COQ5: variants seen among roughly 807,000 people sequenced by gnomAD.
COQ5 encodes the protein coenzyme Q5, methyltransferase.
In COQ5, 27 loss-of-function variants were observed where a neutral mutation model predicts 40.5. The ratio of observed to expected loss-of-function variants is 0.67; its 90% CI spans 0.49 to 0.92. The LOEUF (loss-of-function observed/expected upper bound fraction) is 0.92. Among genes scored for constraint, COQ5 ranks in the 40% least tolerant of loss-of-function variants. COQ5 has a pLI of 0.00. For synonymous variants in COQ5, 141 were observed against 150.0 expected (o/e 0.94, Z 0.44); for missense variants, 409 against 406.4 (o/e 1.01, Z -0.06).
chr12:120,503,977 G>A lies in COQ5; in HGVS notation c.875C>T (p.Pro292Leu), dbSNP rs1236830801. The change falls in exon 6 of 7, where the codon CCG (proline) becomes CTG (leucine). Residue 292 changes from proline (P) to leucine (L), a missense_variant. By Grantham distance (98) the Pro-to-Leu change is moderately conservative. Transcript: ENST00000288532. ...QYLVESIRRF[P>L]SQEEFKDMIE... ...GCTATAGAAGTTTCATACCTGAGAC[G>A]GAAACCTTCGGATACTCTCTACAAG... 2.0e-5 allele frequency: 33 copies of A among 1,610,442 alleles called. No homozygotes were observed. Among genetic ancestry groups the A allele is most frequent in the African/African-American group, 4.0e-5 (3 of 74,848 alleles).
At chr12:120,518,096 T>C (rs1869466140) in intron 2 of COQ5, among the ~76,000 whole-genome samples, 1 of 151,970 alleles carries the variant, frequency 6.6e-6, no homozygotes, top group Non-Finnish European at 1.5e-5. Context: ...CATGAGCCAT[T>C]GCGCCTGGCC....
chr12:120,514,569 C>T (rs547577529), intron 3 of COQ5, among the ~76,000 whole-genome samples: 4 of 151,898 alleles, frequency 2.6e-5, no homozygotes, highest in East Asian at 1.9e-4. Context: ...AGTGAAACCC[C>T]GTCTCTACTA....
At position 120,517,936 on chromosome 12, in the gene COQ5, T is replaced by G. The variant is rs149055118; in HGVS notation, c.353-1148A>C. Among the ~76,000 whole-genome samples the G allele has an allele frequency of 9.7e-3, 1,467 of 152,008 alleles. 24 individuals carry two copies. The highest frequency in any genetic ancestry group is 0.034 in the African/African-American group (1,404 of 41,524). On this transcript the variant is annotated intron_variant, in intron 2 of 6. Transcript: ENST00000288532. ...GATTCTCCTGCCTCAGCCTCCCAAG[T>G]GGCTGGGATCACAGGCATGTGCCAC... is the stretch of plus-strand genomic sequence containing the variant.
intron 1 of COQ5, among the ~76,000 whole-genome samples, chr12:120,525,425 T>A (rs1452101084): frequency 1.3e-5 from 2 of 152,062 alleles, no homozygotes; most frequent in Non-Finnish European, 2.9e-5. Flanking sequence ...TTGGGGTGTC[T>A]GGGGGACACT....
chr12:120,516,819 G>C (rs536901258), intron 2 of COQ5, 31 bp from the exon 3 acceptor site: 1 of 1,573,248 alleles, frequency 6.4e-7, no homozygotes, highest in South Asian at 1.1e-5. Flanking sequence ...GAAAGATGCA[G>C]ACTAAAACAA....
At chr12:120,512,960 ATT>A (rs536277762) in intron 3 of COQ5, among the ~76,000 whole-genome samples, 1 of 143,116 alleles carries the variant, frequency 7.0e-6, no homozygotes. Flanking sequence ...CACCTGCCTG[ATT>A]TTTTTTTTTG....
intron 4 of COQ5, among the ~76,000 whole-genome samples, chr12:120,505,409 A>G (rs1295854822): frequency 1.3e-5 from 2 of 151,656 alleles, no homozygotes; most frequent in South Asian, 2.1e-4. Context: ...ATTTTTTGCA[A>G]TGGAGCCTTG....
At chr12:120,506,659 G>T (rs567592324) in intron 4 of COQ5, among the ~76,000 whole-genome samples, 3 of 141,134 alleles carry the variant, frequency 2.1e-5, no homozygotes, top group Non-Finnish European at 4.8e-5. Flanking sequence ...GGGCCACCAC[G>T]CCCAGCCTAT....
At chr12:120,505,681 C>T (rs1252392742) in intron 4 of COQ5, among the ~76,000 whole-genome samples, 5 of 151,892 alleles carry the variant, frequency 3.3e-5, no homozygotes, top group Non-Finnish European at 5.9e-5. Context: ...CTCAGCCTCC[C>T]GAGTAGCTAG....
intron 2 of COQ5, among the ~76,000 whole-genome samples, chr12:120,521,605 G>C (rs1316233629): frequency 1.3e-5 from 2 of 151,532 alleles, no homozygotes; most frequent in South Asian, 2.1e-4. Flanking sequence ...AACCCCGGAG[G>C]TGGAGGTTGC....
chr12:120,503,799 AGAAT>A lies in COQ5; in HGVS notation c.965_968del (p.His322LeufsTer20). ...AGGAAAGGAATTAAAGTTTGAAGCC[AGAAT>A]GAATGGCCACAATGCCTGATGTTAG... On this transcript the variant is annotated frameshift_variant, in exon 7 of 7. Coordinates refer to ENST00000288532, the MANE Select transcript of COQ5 (RefSeq NM_032314.4). LOFTEE classifies it high-confidence loss of function. 3.1e-6 allele frequency: 5 copies of A among 1,613,780 alleles called. No individual in the cohort carries two copies. In the South Asian group the frequency reaches 5.5e-5, roughly 18 times the overall value.
At position 120,516,678 on chromosome 12, in the gene COQ5, A is replaced by C. The variant is rs2137085981; in HGVS notation, c.463T>G (p.Tyr155Asp). ...NLSWEEIAKE[Y>D]QNEEDSLGGS... is the part of the protein sequence containing the mutation. ...CCCAAGGAATCTTCTTCATTCTGGT[A>C]CTCTTTGGCAATTTCTTCCCAGGAT... The change falls in exon 3 of 7, where the codon TAC becomes GAC. Residue 155 changes from tyrosine (Y) to aspartate (D), a missense_variant. Physicochemically the swap from Tyr to Asp is radical, Grantham distance 160. Transcript: ENST00000288532. 1 of 1,613,930 alleles carries C rather than the reference A, an allele frequency of 6.2e-7. No homozygotes were observed. The highest frequency in any genetic ancestry group is 8.5e-7 in the Non-Finnish European group (1 of 1,179,960).
intron 5 of COQ5, 107 bp from the exon 6 acceptor site, chr12:120,504,188 A>G (rs981054453): frequency 1.3e-6 from 1 of 747,758 alleles, no homozygotes; most frequent in Non-Finnish European, 2.4e-6. Context: ...TCAAATGCCT[A>G]TAGGGATCAA....
rs763741578 is a variant in COQ5 at position 120,504,003 on chromosome 12, G to T, written c.849C>A (p.Tyr283Ter). ...VIAGDWKSYQ[Y>*]LVESIRRFPS... The stretch of plus-strand genomic sequence containing the variant: ...GAAACCTTCGGATACTCTCTACAAG[G>T]TACTGATAGGACTTCCAGTCTCCAG... Residue 283 changes from tyrosine (Y) to a stop codon, truncating the protein, a stop_gained, in exon 6 of 7, where the codon TAC (tyrosine) becomes TAA (stop). Transcript: ENST00000288532. LOFTEE classifies it high-confidence loss of function. 1 of 1,613,276 alleles carries T rather than the reference G, an allele frequency of 6.2e-7. No homozygotes were observed. Among genetic ancestry groups the T allele is most frequent in the Admixed American group, 1.7e-5 (1 of 60,010 alleles).
intron 1 of COQ5, chr12:120,526,359 G>A: frequency 2.5e-6 from 1 of 406,380 alleles, no homozygotes; most frequent in East Asian, 7.8e-5. Flanking sequence ...TGTCAGTGGA[G>A]TTATAGGAGA....
intron 3 of COQ5, among the ~76,000 whole-genome samples, chr12:120,514,312 A>G (rs1219773742): frequency 2.0e-5 from 3 of 151,968 alleles, no homozygotes; most frequent in Non-Finnish European, 4.4e-5. Flanking sequence ...AAATAACCAT[A>G]GACACTCATG....
At chr12:120,523,798 C>T (rs1869789147) in intron 1 of COQ5, 1 of 256,498 alleles carries the variant, frequency 3.9e-6, no homozygotes, top group Non-Finnish European at 8.0e-6. Flanking sequence ...TCACTCGAGG[C>T]CAGGAGTTCA....
chr12:120,516,655 C>A lies in COQ5; in HGVS notation c.486G>T (p.Leu162Phe). Residue 162 changes from leucine (L) to phenylalanine (F), a missense_variant, in exon 3 of 7, where the codon TTG becomes TTT. Coordinates refer to ENST00000288532, the MANE Select transcript of COQ5 (RefSeq NM_032314.4). Reference protein sequence around the residue: ...AKEYQNEEDSLGGSRVVVCDI... With the variant: ...AKEYQNEEDSFGGSRVVVCDI... ...CACACACCACGACACGAGACCCGCC[C>A]AAGGAATCTTCTTCATTCTGGTACT... 6.2e-7 allele frequency: 1 copy of A among 1,614,164 alleles called. No homozygotes were observed. The highest frequency in any genetic ancestry group is 2.2e-5 in the East Asian group (1 of 44,890).
chr12:120,522,892 C>T (rs1329021978), intron 1 of COQ5: 3 of 722,864 alleles, frequency 4.2e-6, no homozygotes, highest in East Asian at 4.9e-5. Flanking sequence ...TTGGGCTTTA[C>T]AAGGGCCTTG....
Sources: allele counts gnomAD v4.1 joint callset (sites outside exome capture counted in the v4.1 genomes callset), GRCh38; gene constraint gnomAD v4.1.1; transcripts MANE v1.5; gene names NCBI Gene and HGNC (gene_info 2026-07-23, HGNC 2026-07-21).